Variants in TMEM132D observed in about 807,000 individuals in gnomAD.
The protein encoded by TMEM132D is mature OL transmembrane protein.
Under a neutral mutation model 62.3 loss-of-function variants are expected in TMEM132D, and 21 were observed. The ratio of observed to expected loss-of-function variants is 0.34; its 90% CI spans 0.24 to 0.49. The LOEUF (loss-of-function observed/expected upper bound fraction) is 0.49, where lower values mean the gene tolerates loss of function less well. TMEM132D is among the 20% of genes least tolerant of loss of function. The probability of loss-of-function intolerance (pLI) is 0.99; values close to 1 mark genes in which losing one functional copy is unlikely to be tolerated. For synonymous variants in TMEM132D, 621 were observed against 575.6 expected (o/e 1.08, Z -1.13); for missense variants, 1,346 against 1,402.8 (o/e 0.96, Z 0.65).
At chr12:129,192,633 T>G (rs1485871949) in intron 5 of TMEM132D, among the ~76,000 whole-genome samples, 1 of 152,220 alleles carries the variant, frequency 6.6e-6, no homozygotes, top group Non-Finnish European at 1.5e-5. Flanking sequence ...CTCTTCTTAT[T>G]AATCTTTATT....
intron 1 of TMEM132D, among the ~76,000 whole-genome samples, chr12:129,736,580 T>G (rs1039327256): frequency 2.0e-5 from 3 of 150,828 alleles, no homozygotes; most frequent in African/African-American, 7.3e-5. Context: ...GAGGAATTAC[T>G]ACTTTAAAGA....
rs182740779 is a variant in TMEM132D, at chr12:129,584,340, T to A, written c.969-53135A>T. The stretch of plus-strand genomic sequence containing the variant: ...TTACCTAATAGCAAACCCTAGTGAT[T>A]GATACAGATTGTTCATACTGCTTCT... On this transcript the variant is annotated intron_variant, in intron 2 of 8. Transcript: ENST00000422113. Among the ~76,000 whole-genome samples the A allele has an allele frequency of 5.6e-4, 86 of 152,352 alleles. 1 individual carries two copies. Among genetic ancestry groups the A allele is most frequent in the African/African-American group, 2.0e-3 (84 of 41,582 alleles).
At chr12:129,346,120 G>T (rs549323391) in intron 3 of TMEM132D, among the ~76,000 whole-genome samples, 1 of 152,072 alleles carries the variant, frequency 6.6e-6, no homozygotes, top group Non-Finnish European at 1.5e-5. Context: ...TTCAGAACTT[G>T]TTATTGGTCT....
intron 5 of TMEM132D, among the ~76,000 whole-genome samples, chr12:129,154,779 A>G (rs1267540525): frequency 3.3e-5 from 5 of 152,188 alleles, no homozygotes; most frequent in African/African-American, 9.7e-5. Context: ...GATGGCAGCT[A>G]GAGTCTGTTG....
rs538203165 is a variant in TMEM132D at position 129,217,534 on chromosome 12, G to A, written c.1300-7871C>T. The stretch of plus-strand genomic sequence containing the variant: ...TCCCTGCCCTGTGCAAAATTGGCTC[G>A]GGGAAGGCATCAGAGGAAGATGGAG... On this transcript the variant is annotated intron_variant, in intron 4 of 8. Coordinates refer to ENST00000422113, the MANE Select transcript of TMEM132D (RefSeq NM_133448.3). Among the ~76,000 whole-genome samples, 6 of 152,246 alleles carry A rather than the reference G, an allele frequency of 3.9e-5. No homozygotes were observed. The South Asian group carries it at 8.3e-4, about 21-fold the overall frequency.
At chr12:129,225,224 G>A (rs1274630992) in intron 4 of TMEM132D, among the ~76,000 whole-genome samples, 2 of 152,190 alleles carry the variant, frequency 1.3e-5, no homozygotes. Flanking sequence ...GCCATGACTG[G>A]CGCATACTAA....
intron 2 of TMEM132D, among the ~76,000 whole-genome samples, chr12:129,614,158 TCTCCAGAACCCAGGGGACTGG>T (rs1248424014): frequency 2.0e-5 from 3 of 151,522 alleles, no homozygotes; most frequent in Non-Finnish European, 2.9e-5. Context: ...CAGGTGACTA[TCTCCAGAACCCAGGGGACTGG>T]CTCCAGAACC....
At chr12:129,824,555 G>A (rs943820102) in intron 1 of TMEM132D, among the ~76,000 whole-genome samples, 3 of 152,010 alleles carry the variant, frequency 2.0e-5, no homozygotes, top group African/African-American at 4.8e-5. Context: ...GGGGGCCCCC[G>A]GGATGGGACT....
intron 5 of TMEM132D, among the ~76,000 whole-genome samples, chr12:129,129,226 G>C (rs1876300453): frequency 6.6e-6 from 1 of 151,100 alleles, no homozygotes; most frequent in Non-Finnish European, 1.5e-5. Context: ...CCCCTTATAA[G>C]TGAGAACATG....
intron 1 of TMEM132D, among the ~76,000 whole-genome samples, chr12:129,825,011 CTTT>C (rs35111989): frequency 4.0e-5 from 5 of 126,182 alleles, no homozygotes; most frequent in Admixed American, 1.6e-4. Flanking sequence ...GATGGGCAGT[CTTT>C]TTTTTTTTTT....
intron 4 of TMEM132D, among the ~76,000 whole-genome samples, chr12:129,255,536 T>G (rs1229630740): frequency 6.6e-6 from 1 of 152,240 alleles, no homozygotes; most frequent in Non-Finnish European, 1.5e-5. Flanking sequence ...GAATTTCAGA[T>G]GAATAATAAA....
intron 1 of TMEM132D, among the ~76,000 whole-genome samples, chr12:129,747,213 C>CCG (rs1218003277): frequency 1.3e-5 from 2 of 152,108 alleles, no homozygotes; most frequent in Non-Finnish European, 2.9e-5. Context: ...CTTACTCCTC[C>CCG]TTCCAGCCAC....
At chr12:129,081,718 C>G in intron 7 of TMEM132D, 41 bp downstream of exon 7, 1 of 1,538,630 alleles carries the variant, frequency 6.5e-7, no homozygotes. Flanking sequence ...GGTGGGAAGA[C>G]AGAGAGATCT....
chr12:129,146,003 T>G (rs546025738), intron 5 of TMEM132D, among the ~76,000 whole-genome samples: 9 of 152,050 alleles, frequency 5.9e-5, no homozygotes, highest in African/African-American at 2.2e-4. Context: ...TACACCATGA[T>G]GTTTTGGTAT....
intron 1 of TMEM132D, among the ~76,000 whole-genome samples, chr12:129,876,644 A>C (rs2137381904): frequency 6.6e-6 from 1 of 152,228 alleles, no homozygotes; most frequent in Non-Finnish European, 1.5e-5. Flanking sequence ...CTCAACAACG[A>C]TATCATGTTT....
intron 2 of TMEM132D, among the ~76,000 whole-genome samples, chr12:129,670,050 A>G (rs967402258): frequency 3.9e-5 from 6 of 152,104 alleles, no homozygotes; most frequent in African/African-American, 9.7e-5. Flanking sequence ...CACAGCCTAC[A>G]CCTTAAGATT....
At chr12:129,770,923 G>T (rs537121840) in intron 1 of TMEM132D, among the ~76,000 whole-genome samples, 13 of 152,324 alleles carry the variant, frequency 8.5e-5, no homozygotes, top group African/African-American at 2.4e-4. Flanking sequence ...ATCGTAAGCC[G>T]AGGACTGTCT....
chr12:129,170,657 T>C (rs1486538540), intron 5 of TMEM132D, among the ~76,000 whole-genome samples: 3 of 151,986 alleles, frequency 2.0e-5, no homozygotes, highest in Non-Finnish European at 4.4e-5. Flanking sequence ...AAACCCAGTC[T>C]CTACTAAAAA....
chr12:129,817,959 G>A (rs537341223), intron 1 of TMEM132D, among the ~76,000 whole-genome samples: 3 of 148,180 alleles, frequency 2.0e-5, no homozygotes, highest in Admixed American at 6.7e-5. Flanking sequence ...GGTGTGAGGT[G>A]TATGTGTGTA....
Sources: allele counts gnomAD v4.1 joint callset (sites outside exome capture counted in the v4.1 genomes callset), GRCh38; gene constraint gnomAD v4.1.1; transcripts MANE v1.5; gene names NCBI Gene and HGNC (gene_info 2026-07-23, HGNC 2026-07-21).